Variants in ARL15 observed in about 807,000 individuals in gnomAD.
The protein encoded by ARL15 is ARF like GTPase 15.
A neutral mutation model predicts 25.2 loss-of-function variants in ARL15; 19 were observed. The observed-to-expected ratio is 0.75, with a 90% CI of 0.53 to 1.10. ARL15 has a LOEUF of 1.10. Among genes scored for constraint, ARL15 ranks in the 50% least tolerant of loss-of-function variants. The pLI, the probability that ARL15 is intolerant of heterozygous loss-of-function variation, is 0.00. For missense variants in ARL15, 220 were observed against 246.0 expected (o/e 0.89, Z 0.71); for synonymous variants, 94 against 86.8 (o/e 1.08, Z -0.46).
At chr5:54,264,328 C>G (rs1757568581) in intron 1 of ARL15, among the ~76,000 whole-genome samples, 1 of 152,194 alleles carries the variant, frequency 6.6e-6, no homozygotes, top group Non-Finnish European at 1.5e-5. Context: ...CACCTCTCCC[C>G]TTATCACACT....
chr5:54,133,045 C>A (rs190756801), intron 3 of ARL15, among the ~76,000 whole-genome samples: 1 of 152,248 alleles, frequency 6.6e-6, no homozygotes. Flanking sequence ...TTCTAATAAG[C>A]GGTTTTGTAT....
chr5:54,236,630 T>C (rs1413415150), intron 1 of ARL15, among the ~76,000 whole-genome samples: 15 of 152,250 alleles, frequency 9.9e-5, no homozygotes, highest in Admixed American at 9.8e-4. Context: ...TAAATTTCTA[T>C]TGGCAACACT....
intron 1 of ARL15, among the ~76,000 whole-genome samples, chr5:54,187,297 T>C (rs1299467865): frequency 6.6e-6 from 1 of 152,092 alleles, no homozygotes; most frequent in Non-Finnish European, 1.5e-5. Flanking sequence ...TACCAGGTTG[T>C]TGAGGAAAAA....
At chr5:54,093,406 C>G (rs570130480) in intron 4 of ARL15, among the ~76,000 whole-genome samples, 2 of 152,190 alleles carry the variant, frequency 1.3e-5, no homozygotes, top group Admixed American at 6.5e-5. Context: ...CAGCATTTGG[C>G]CCCAGGGTAA....
chr5:54,270,066 T>A (rs1017434455), intron 1 of ARL15, among the ~76,000 whole-genome samples: 6 of 152,376 alleles, frequency 3.9e-5, no homozygotes, highest in Middle Eastern at 3.4e-3. Flanking sequence ...AAAATAGGAA[T>A]AGAAGTTTAG....
At chr5:54,147,295 G>A (rs1027620892) in intron 3 of ARL15, among the ~76,000 whole-genome samples, 1 of 151,938 alleles carries the variant, frequency 6.6e-6, no homozygotes, top group Non-Finnish European at 1.5e-5. Flanking sequence ...ACTATAAAAA[G>A]AGAATTAGTG....
At chr5:53,925,694 G>C (rs1015767496) in intron 4 of ARL15, among the ~76,000 whole-genome samples, 2 of 152,062 alleles carry the variant, frequency 1.3e-5, no homozygotes, top group African/African-American at 4.8e-5. Context: ...TGTAGTTCTA[G>C]CTACTCTGGA....
At chr5:54,118,081 C>T (rs1325940237) in intron 3 of ARL15, among the ~76,000 whole-genome samples, 2 of 152,152 alleles carry the variant, frequency 1.3e-5, no homozygotes, top group Non-Finnish European at 2.9e-5. Flanking sequence ...ATTCAAAGTA[C>T]AAGAAAGACC....
intron 4 of ARL15, among the ~76,000 whole-genome samples, chr5:54,065,583 T>C (rs6876307): frequency 2.6e-5 from 4 of 151,960 alleles, no homozygotes; most frequent in South Asian, 2.1e-4. Flanking sequence ...GGAGAATCAC[T>C]TGAACCCAGG....
chr5:54,134,568 CTTTTTTTTTTTTTTTTTTT>C lies in ARL15; in HGVS notation c.253+19993_253+20011del, dbSNP rs5867914. Among the ~76,000 whole-genome samples the C allele has an allele frequency of 4.1e-4, 21 of 51,796 alleles. No individual in the cohort carries two copies. In the East Asian group the frequency reaches 0.01, roughly 25 times the overall value. 34.0% of individuals were successfully genotyped at this position (51,796 alleles called of 152,430 possible). On this transcript the variant is annotated intron_variant, in intron 3 of 4. Coordinates refer to ENST00000504924, the MANE Select transcript of ARL15 (RefSeq NM_019087.3). ...GTGAGCTCCCTGAAGGAATGATTAG[CTTTTTTTTTTTTTTTTTTT>C]TTTTTTTTTTTTTTCTGAGACAGAG...
chr5:54,220,614 C>T (rs964224385), intron 1 of ARL15, among the ~76,000 whole-genome samples: 1 of 152,174 alleles, frequency 6.6e-6, no homozygotes, highest in Non-Finnish European at 1.5e-5. Context: ...TAAGCACCTT[C>T]ACACTCATCC....
At chr5:54,143,028 C>T (rs952546086) in intron 3 of ARL15, among the ~76,000 whole-genome samples, 1 of 152,112 alleles carries the variant, frequency 6.6e-6, no homozygotes, top group African/African-American at 2.4e-5. Context: ...CCAGAAAACA[C>T]ATAAAATATG....
intron 4 of ARL15, among the ~76,000 whole-genome samples, chr5:53,925,993 CTTTCTT>C (rs1474258912): frequency 2.2e-5 from 2 of 90,756 alleles, no homozygotes; most frequent in East Asian, 3.3e-4. Context: ...AGTCTTTTTT[CTTTCTT>C]TTTTTTTTTT....
intron 2 of ARL15, among the ~76,000 whole-genome samples, chr5:54,166,139 AT>A (rs1424102450): frequency 6.6e-6 from 1 of 152,092 alleles, no homozygotes; most frequent in African/African-American, 2.4e-5. Flanking sequence ...GTTTTGAACA[AT>A]TTTATTATGA....
chr5:54,162,336 T>A (rs1229250207), intron 2 of ARL15, among the ~76,000 whole-genome samples: 3 of 152,142 alleles, frequency 2.0e-5, no homozygotes, highest in Non-Finnish European at 2.9e-5. Context: ...CTCACCTTTA[T>A]CATTACAGAG....
At chr5:53,925,944 G>C (rs1030302973) in intron 4 of ARL15, among the ~76,000 whole-genome samples, 3 of 151,010 alleles carry the variant, frequency 2.0e-5, no homozygotes, top group African/African-American at 7.3e-5. Flanking sequence ...AAGGGTTGGG[G>C]TCTACCAATT....
intron 4 of ARL15, among the ~76,000 whole-genome samples, chr5:54,107,529 A>G (rs1229375914): frequency 6.6e-6 from 1 of 152,122 alleles, no homozygotes; most frequent in East Asian, 1.9e-4. Flanking sequence ...TGTGTTGAAA[A>G]ATAGTGAGAA....
At chr5:54,253,427 G>A (rs1757289895) in intron 1 of ARL15, among the ~76,000 whole-genome samples, 1 of 152,152 alleles carries the variant, frequency 6.6e-6, no homozygotes, top group Non-Finnish European at 1.5e-5. Flanking sequence ...GCTGGGAGTA[G>A]AGGTTAGGAA....
intron 1 of ARL15, among the ~76,000 whole-genome samples, chr5:54,230,786 A>G (rs760407672): frequency 5.3e-4 from 81 of 152,290 alleles, no homozygotes; most frequent in Middle Eastern, 3.4e-3. Flanking sequence ...TCCCAGTATA[A>G]TAAATTACTC....
Sources: allele counts gnomAD v4.1 joint callset (sites outside exome capture counted in the v4.1 genomes callset), GRCh38; gene constraint gnomAD v4.1.1; transcripts MANE v1.5; gene names NCBI Gene and HGNC (gene_info 2026-07-23, HGNC 2026-07-21).